Variants in RPS6KA5 observed in about 807,000 individuals in gnomAD.
RPS6KA5 encodes ribosomal protein S6 kinase alpha-5.
RPS6KA5 carries 27 observed loss-of-function variants against 85.5 expected under a neutral mutation model. The observed-to-expected ratio is 0.32, with a 90% confidence interval of 0.23 to 0.44. The LOEUF is 0.44. Among genes scored for constraint, RPS6KA5 ranks in the 20% least tolerant of loss-of-function variants. The pLI is 1.00. For synonymous variants in RPS6KA5, 334 were observed against 348.2 expected, an observed-to-expected ratio of 0.96 and a Z score of 0.46; for missense variants, 811 against 980.9, an observed-to-expected ratio of 0.83 and a Z score of 2.31.
intron 14 of RPS6KA5, among the ~76,000 whole-genome samples, chr14:90,885,552 C>CAAAAAAAAAAAAAA (rs780292114): frequency 5.0e-5 from 1 of 19,874 alleles, no homozygotes; most frequent in Non-Finnish European, 7.4e-5. Flanking sequence ...GACTCCGTCT[C>CAAAAAAAAAAAAAA]AAAAAAAAAA....
chr14:91,057,887 G>A (rs543831379), intron 1 of RPS6KA5, among the ~76,000 whole-genome samples: 4 of 152,318 alleles, frequency 2.6e-5, no homozygotes, highest in Non-Finnish European at 4.4e-5. Context: ...GTGACTTGCC[G>A]ATGTCTACAT....
At chr14:91,048,236 A>G (rs1044752193) in intron 1 of RPS6KA5, among the ~76,000 whole-genome samples, 1 of 152,212 alleles carries the variant, frequency 6.6e-6, no homozygotes, top group Admixed American at 6.5e-5. Context: ...AACTTAAAAC[A>G]TTTTTAAAAT....
At chr14:90,875,432 T>C in intron 14 of RPS6KA5, 72 bp from the exon 15 acceptor site, 1 of 1,366,932 alleles carries the variant, frequency 7.3e-7, no homozygotes, top group South Asian at 1.4e-5. Flanking sequence ...ATCCTAATAG[T>C]AACGTAACTG....
intron 2 of RPS6KA5, among the ~76,000 whole-genome samples, chr14:90,998,339 A>G (rs2040624841): frequency 6.6e-6 from 1 of 152,236 alleles, no homozygotes. Context: ...TGAATTGCAC[A>G]CTTTAAATGA....
intron 1 of RPS6KA5, among the ~76,000 whole-genome samples, chr14:91,014,021 C>A (rs941139549): frequency 6.6e-6 from 1 of 152,132 alleles, no homozygotes; most frequent in Non-Finnish European, 1.5e-5. Context: ...CTGGTGACCA[C>A]GACGTCATAA....
intron 7 of RPS6KA5, among the ~76,000 whole-genome samples, chr14:90,913,303 C>T (rs545625556): frequency 5.9e-5 from 9 of 152,190 alleles, no homozygotes; most frequent in South Asian, 4.1e-4. Context: ...GTGCACACTC[C>T]GGCCATTGCT....
intron 1 of RPS6KA5, among the ~76,000 whole-genome samples, chr14:91,057,027 G>A (rs973589301): frequency 1.3e-5 from 2 of 150,836 alleles, no homozygotes; most frequent in African/African-American, 2.4e-5. Flanking sequence ...CTACAGGTAC[G>A]TGCCACCATG....
chr14:90,933,327 G>A (rs1326146712), intron 5 of RPS6KA5, among the ~76,000 whole-genome samples: 1 of 152,024 alleles, frequency 6.6e-6, no homozygotes, highest in Non-Finnish European at 1.5e-5. Context: ...CTGTCCAGCT[G>A]AACTTCTCCT....
intron 1 of RPS6KA5, among the ~76,000 whole-genome samples, chr14:91,044,182 G>A (rs369546969): frequency 1.3e-5 from 2 of 151,390 alleles, no homozygotes; most frequent in Non-Finnish European, 2.9e-5. Flanking sequence ...AGTCGAGATC[G>A]CGCCATTGCA....
rs573791947 is a variant in RPS6KA5, at chr14:91,060,616, C to T, written c.-182G>A. The T allele has an allele frequency of 2.5e-5, 21 of 833,970 alleles. No individual in the cohort carries two copies. In the East Asian group the frequency reaches 2.7e-4, roughly 11 times the overall value. The allele number at this position is 833,970 out of a possible 1,614,324, so 51.7% of individuals were successfully genotyped here. A position where few individuals can be genotyped will look rare whatever the true frequency, so the allele number is the denominator to read the frequency against. On this transcript the variant is annotated 5_prime_UTR_variant, in exon 1 of 17. Coordinates refer to ENST00000614987, the MANE Select transcript of RPS6KA5 (RefSeq NM_004755.4). Reference sequence around the variant, plus strand: ...CACGGCTCGCTCCTCGCCTCCTCCCCCTTCGGCGGGCACCGCTAGTACCGC... The same window carrying T: ...CACGGCTCGCTCCTCGCCTCCTCCCTCTTCGGCGGGCACCGCTAGTACCGC...
At chr14:90,903,694 A>C (rs2035320801) in intron 8 of RPS6KA5, among the ~76,000 whole-genome samples, 2 of 152,234 alleles carry the variant, frequency 1.3e-5, no homozygotes, top group African/African-American at 4.8e-5. Context: ...TCTATCATTT[A>C]AAACAATCTC....
rs2033142598 is a variant in RPS6KA5 at position 90,872,014 on chromosome 14, C to T, written c.*60G>A. On this transcript the variant is annotated 3_prime_UTR_variant, in exon 17 of 17. Coordinates refer to ENST00000614987, the MANE Select transcript of RPS6KA5 (RefSeq NM_004755.4). ...ACATTTTTAAAAGCATAAAAGATCG[C>T]CTCAGGCATATGCTGAGGGAATAAA... The T allele has an allele frequency of 6.5e-7, 1 of 1,540,598 alleles. No homozygotes were observed. Among genetic ancestry groups the T allele is most frequent in the Non-Finnish European group, 8.7e-7 (1 of 1,146,402 alleles).
At chr14:91,035,847 CAAAAAAAAAAAAA>C (rs199625173) in intron 1 of RPS6KA5, among the ~76,000 whole-genome samples, 1,510 of 69,166 alleles carry the variant, frequency 0.022, 4 homozygotes, top group African/African-American at 0.024. Flanking sequence ...CCCTCACCTT[CAAAAAAAAAAAAA>C]AAAAAAAAAA....
intron 8 of RPS6KA5, among the ~76,000 whole-genome samples, chr14:90,903,366 A>G (rs1175442706): frequency 6.6e-6 from 1 of 152,240 alleles, no homozygotes; most frequent in Non-Finnish European, 1.5e-5. Context: ...ACAGATGTGG[A>G]TATTAGCTCT....
chr14:91,005,418 T>C (rs2040974956), intron 1 of RPS6KA5, among the ~76,000 whole-genome samples: 1 of 152,238 alleles, frequency 6.6e-6, no homozygotes, highest in African/African-American at 2.4e-5. Context: ...TTTTTGCCCC[T>C]GTTCCTGACT....
At chr14:91,000,109 T>A (rs2040721850) in intron 2 of RPS6KA5, among the ~76,000 whole-genome samples, 1 of 152,178 alleles carries the variant, frequency 6.6e-6, no homozygotes, top group Non-Finnish European at 1.5e-5. Flanking sequence ...CCCGGGCACC[T>A]AGAGATTTTT....
At chr14:90,917,024 G>T (rs2036154922) in intron 7 of RPS6KA5, among the ~76,000 whole-genome samples, 2 of 152,114 alleles carry the variant, frequency 1.3e-5, no homozygotes, top group Admixed American at 6.6e-5. Context: ...TCAGAAAGAG[G>T]GGAATTAGAG....
intron 13 of RPS6KA5, among the ~76,000 whole-genome samples, chr14:90,893,234 A>T (rs2034656254): frequency 6.6e-6 from 1 of 152,242 alleles, no homozygotes; most frequent in South Asian, 2.1e-4. Context: ...TCCAATGTAC[A>T]GAGCACCATA....
At chr14:90,947,057 G>T (rs1010537660) in intron 4 of RPS6KA5, among the ~76,000 whole-genome samples, 2 of 152,194 alleles carry the variant, frequency 1.3e-5, no homozygotes, top group Non-Finnish European at 2.9e-5. Flanking sequence ...CCCTGAAGAT[G>T]TACAGGCAGA....
Sources: gnomAD v4.1 joint callset for allele counts (sites outside exome capture counted in the v4.1 genomes callset) on GRCh38, gnomAD v4.1.1 for gene constraint, MANE v1.5 for transcripts, NCBI Gene and HGNC (gene_info 2026-07-23, HGNC 2026-07-21) for gene names.